The following SAMD4A variants were observed in gnomAD, a reference collection of about 807,000 sequenced individuals.
The protein encoded by SAMD4A is protein Smaug homolog 1.
In SAMD4A, 33 loss-of-function variants were observed where a neutral mutation model predicts 81.3. The observed-to-expected ratio is 0.41, with a 90% CI of 0.31 to 0.54. SAMD4A has a LOEUF of 0.54. Among genes scored for constraint, SAMD4A ranks in the 20% least tolerant of loss-of-function variants. The pLI, the probability that SAMD4A is intolerant of heterozygous loss-of-function variation, is 0.37. For missense variants in SAMD4A, 854 were observed against 951.1 expected (o/e 0.90, Z 1.34); for synonymous variants, 389 against 382.1 (o/e 1.02, Z -0.21).
chr14:54,660,906 T>G (rs955168799), intron 2 of SAMD4A, among the ~76,000 whole-genome samples: 15 of 152,228 alleles, frequency 9.9e-5, no homozygotes, highest in Non-Finnish European at 1.9e-4. Flanking sequence ...GTGTAATCAT[T>G]GCATTGAGAG....
At chr14:54,588,636 G>T (rs1256971022) in intron 2 of SAMD4A, among the ~76,000 whole-genome samples, 3 of 152,046 alleles carry the variant, frequency 2.0e-5, no homozygotes, top group African/African-American at 7.2e-5. Context: ...ACAAACAAAA[G>T]AAACCCTTGT....
chr14:54,668,044 G>A (rs1410032595), intron 2 of SAMD4A, among the ~76,000 whole-genome samples: 3 of 152,124 alleles, frequency 2.0e-5, no homozygotes, highest in East Asian at 3.9e-4. Context: ...ACACACTGCC[G>A]TTCTGATCGG....
intron 6 of SAMD4A, among the ~76,000 whole-genome samples, chr14:54,755,660 G>GA (rs1426681344): frequency 1.3e-5 from 2 of 152,172 alleles, no homozygotes; most frequent in African/African-American, 4.8e-5. Context: ...AGTTTTAGGG[G>GA]AATGGGAGGA....
At chr14:54,776,607 C>A in intron 11 of SAMD4A, 67 bp downstream of exon 11, 1 of 1,436,230 alleles carries the variant, frequency 7.0e-7, no homozygotes, top group South Asian at 1.5e-5. Flanking sequence ...CTAGCAAACC[C>A]AGCCAGAAAG....
intron 2 of SAMD4A, among the ~76,000 whole-genome samples, chr14:54,686,106 C>T (rs1055902404): frequency 6.6e-6 from 1 of 152,148 alleles, no homozygotes; most frequent in African/African-American, 2.4e-5. Context: ...AGCACAAATC[C>T]CTCATGTCTG....
At chr14:54,637,735 T>C (rs1594760086) in intron 2 of SAMD4A, among the ~76,000 whole-genome samples, 2 of 152,278 alleles carry the variant, frequency 1.3e-5, no homozygotes, top group South Asian at 4.2e-4. Flanking sequence ...GGAAGGTAGC[T>C]TTGTAAGTGA....
chr14:54,588,359 T>TG (rs2033681556), intron 2 of SAMD4A, among the ~76,000 whole-genome samples: 1 of 152,120 alleles, frequency 6.6e-6, no homozygotes, highest in African/African-American at 2.4e-5. Flanking sequence ...TTTGTATTTT[T>TG]TTTTTGTTGT....
intron 2 of SAMD4A, among the ~76,000 whole-genome samples, chr14:54,662,566 C>T (rs1409587577): frequency 1.3e-5 from 2 of 151,928 alleles, no homozygotes; most frequent in Non-Finnish European, 2.9e-5. Context: ...CATGCCCCCA[C>T]ACCTGGGTAA....
chr14:54,672,604 A>G (rs1406648630), intron 2 of SAMD4A, among the ~76,000 whole-genome samples: 1 of 152,234 alleles, frequency 6.6e-6, no homozygotes, highest in African/African-American at 2.4e-5. Flanking sequence ...CTTTAGCTGC[A>G]TAAAGGTTAT....
At chr14:54,581,435 G>A (rs1026467024) in intron 2 of SAMD4A, among the ~76,000 whole-genome samples, 2 of 152,238 alleles carry the variant, frequency 1.3e-5, no homozygotes, top group African/African-American at 4.8e-5. Context: ...TGGATCCGAT[G>A]ATCCAATTCA....
At chr14:54,777,155 TAAC>T (rs2038874739) in intron 11 of SAMD4A, among the ~76,000 whole-genome samples, 1 of 152,026 alleles carries the variant, frequency 6.6e-6, no homozygotes, top group Non-Finnish European at 1.5e-5. Flanking sequence ...CCATGAGTAA[TAAC>T]AAGCCACACA....
rs113434684 is a variant in SAMD4A at position 54,619,867 on chromosome 14, A to G, written c.196+51755A>G. Among the ~76,000 whole-genome samples, 480 of 152,342 alleles carry G rather than the reference A, an allele frequency of 3.2e-3. 3 individuals are homozygous for G. The highest frequency in any genetic ancestry group is 0.013 in the South Asian group (62 of 4,824). ...AGTATTTCATGGTGTATATGTACTC[A>G]GCCTATTTTGTTTTAACTGAAAGAC... On this transcript the variant is annotated intron_variant, in intron 2 of 12. Coordinates refer to ENST00000554335, the MANE Select transcript of SAMD4A (RefSeq NM_015589.6).
chr14:54,763,217 T>TAA (rs11397346), intron 7 of SAMD4A, among the ~76,000 whole-genome samples: 11 of 149,776 alleles, frequency 7.3e-5, no homozygotes, highest in African/African-American at 2.7e-4. Context: ...CTGGTGGGTT[T>TAA]AAAAAAAAAT....
chr14:54,785,368 T>TA (rs1286660280), intron 12 of SAMD4A, among the ~76,000 whole-genome samples: 1 of 152,228 alleles, frequency 6.6e-6, no homozygotes, highest in East Asian at 1.9e-4. Context: ...TCCCTCCTGG[T>TA]ACTAAGCGGG....
chr14:54,743,119 C>A (rs17127863), intron 4 of SAMD4A, among the ~76,000 whole-genome samples: 1 of 151,984 alleles, frequency 6.6e-6, no homozygotes, highest in Non-Finnish European at 1.5e-5. Context: ...GTTGCAGATA[C>A]AGCAGTTCTG....
At chr14:54,741,389 TAAC>T (rs2037839719) in intron 4 of SAMD4A, among the ~76,000 whole-genome samples, 1 of 152,190 alleles carries the variant, frequency 6.6e-6, no homozygotes, top group African/African-American at 2.4e-5. Flanking sequence ...CGCTAAGACT[TAAC>T]AAAATGCCAC....
At chr14:54,747,350 C>T (rs893531052) in intron 4 of SAMD4A, among the ~76,000 whole-genome samples, 6 of 152,258 alleles carry the variant, frequency 3.9e-5, no homozygotes, top group Non-Finnish European at 7.3e-5. Context: ...TCATCCCCAC[C>T]TAAGTCTTTT....
Position 54,671,143 on chromosome 14 carries a change from G to A in SAMD4A, c.197-30919G>A, listed in dbSNP as rs143368762. 5.1e-3 allele frequency among the ~76,000 whole-genome samples: 774 copies of A among 152,340 alleles called. 18 individuals carry two copies. The highest frequency in any genetic ancestry group is 0.042 in the Admixed American group (648 of 15,296). ...GCGAAAGTGAGGCAGAAAATGGTTA[G>A]ATCGTAAGAGAAAGATCACTGAAGG... is the stretch of plus-strand genomic sequence containing the variant. On this transcript the variant is annotated intron_variant, in intron 2 of 12. Coordinates refer to ENST00000554335, the MANE Select transcript of SAMD4A (RefSeq NM_015589.6).
rs372170727 is a variant in SAMD4A, at chr14:54,680,070, T to C, written c.197-21992T>C. ...CCCTTATCTTCAGATCATGGGTGGC[T>C]CATGCCCAATTCCCCCCACCATTTA... On this transcript the variant is annotated intron_variant, in intron 2 of 12. Transcript: ENST00000554335. 2.0e-5 allele frequency among the ~76,000 whole-genome samples: 3 copies of C among 152,238 alleles called. No homozygotes were observed. The East Asian group carries it at 5.8e-4, about 29-fold the overall frequency.
Sources: gnomAD v4.1 joint callset for allele counts (sites outside exome capture counted in the v4.1 genomes callset) on GRCh38, gnomAD v4.1.1 for gene constraint, MANE v1.5 for transcripts, NCBI Gene and HGNC (gene_info 2026-07-23, HGNC 2026-07-21) for gene names.